ABL1: variants seen among roughly 807,000 people sequenced by gnomAD.
The protein encoded by ABL1 is tyrosine-protein kinase ABL1.
A neutral mutation model predicts 94.7 loss-of-function variants in ABL1; 11 were observed. The observed-to-expected ratio is 0.12, with a 90% confidence interval of 0.07 to 0.19. ABL1 has a LOEUF of 0.19. Among genes scored for constraint, ABL1 ranks in the 10% least tolerant of loss-of-function variants. The pLI, the probability that ABL1 is intolerant of heterozygous loss-of-function variation, is 1.00. For synonymous variants in ABL1, 656 were observed against 622.4 expected (o/e 1.05, Z -0.80); for missense variants, 1,082 against 1,489.4 (o/e 0.73, Z 4.50).
At chr9:130,817,511 A>G (rs1830303253) in intron 1 of ABL1, among the ~76,000 whole-genome samples, 1 of 152,156 alleles carries the variant, frequency 6.6e-6, no homozygotes, top group Admixed American at 6.5e-5. Flanking sequence ...GCCAATCAGG[A>G]CAAATACAGA....
At chr9:130,734,959 T>A (rs1036167296) in intron 1 of ABL1, among the ~76,000 whole-genome samples, 3 of 152,226 alleles carry the variant, frequency 2.0e-5, no homozygotes, top group African/African-American at 7.2e-5. Context: ...ATTTATAATT[T>A]AAAAAATTTA....
intron 1 of ABL1, among the ~76,000 whole-genome samples, chr9:130,729,042 G>A (rs1019268803): frequency 3.3e-5 from 5 of 152,142 alleles, no homozygotes; most frequent in East Asian, 1.9e-4. Context: ...GTGACTGGTC[G>A]TTAAGTTAGT....
At chr9:130,847,833 C>T (rs1269529537) in intron 1 of ABL1, among the ~76,000 whole-genome samples, 2 of 152,182 alleles carry the variant, frequency 1.3e-5, no homozygotes, top group Non-Finnish European at 2.9e-5. Flanking sequence ...TCTTGCATAA[C>T]ATTCCCAGCA....
At chr9:130,776,130 G>C (rs1251642467) in intron 1 of ABL1, among the ~76,000 whole-genome samples, 1 of 152,174 alleles carries the variant, frequency 6.6e-6, no homozygotes, top group African/African-American at 2.4e-5. Context: ...AATAGTGAGG[G>C]AAAAGAAAAA....
chr9:130,851,772 T>C (rs898983096), intron 1 of ABL1, among the ~76,000 whole-genome samples: 5 of 149,282 alleles, frequency 3.3e-5, no homozygotes, highest in Non-Finnish European at 6.0e-5. Context: ...TTTTCTTTTT[T>C]TTTTTTTTTT....
At chr9:130,713,733 G>A (rs765317085) in exon 1 of ABL1, among the ~76,000 whole-genome samples, 7 of 152,208 alleles carry the variant, frequency 4.6e-5, no homozygotes, top group Non-Finnish European at 8.8e-5. Flanking sequence ...AAAAGTTGCT[G>A]GCAATGCATT....
intron 1 of ABL1, among the ~76,000 whole-genome samples, chr9:130,793,353 A>T (rs979588170): frequency 1.3e-5 from 2 of 151,676 alleles, no homozygotes; most frequent in African/African-American, 4.8e-5. Flanking sequence ...CACCTCTCCA[A>T]CTCCTCCAGC....
chr9:130,779,421 A>G (rs1475833860), intron 1 of ABL1, among the ~76,000 whole-genome samples: 2 of 152,096 alleles, frequency 1.3e-5, no homozygotes, highest in African/African-American at 2.4e-5. Context: ...GCCCCCCACC[A>G]TTTTTTTATT....
At chr9:130,830,988 C>G (rs1830488679), upstream of ABL1, among the ~76,000 whole-genome samples, 2 of 152,182 alleles carry the variant, frequency 1.3e-5, no homozygotes, top group African/African-American at 4.8e-5. Context: ...GTGGCAAAAA[C>G]TGGTATGACA....
intron 1 of ABL1, among the ~76,000 whole-genome samples, chr9:130,789,355 G>A (rs961624421): frequency 6.6e-6 from 1 of 152,204 alleles, no homozygotes; most frequent in African/African-American, 2.4e-5. Flanking sequence ...GTAGAAACTG[G>A]TTTTATCCTA....
intron 1 of ABL1, among the ~76,000 whole-genome samples, chr9:130,841,342 C>T (rs536493439): frequency 4.6e-5 from 7 of 151,046 alleles, no homozygotes; most frequent in African/African-American, 9.7e-5. Flanking sequence ...CTCCTGACCT[C>T]GTGATCCGCC....
intron 1 of ABL1, among the ~76,000 whole-genome samples, chr9:130,747,423 G>C (rs35057227): frequency 0.031 from 4,658 of 151,842 alleles, 239 homozygotes; most frequent in African/African-American, 0.11. Flanking sequence ...CTCTTTTTTT[G>C]TTTGCGTGGG....
chr9:130,808,231 TC>T (rs1231414655), intron 1 of ABL1, among the ~76,000 whole-genome samples: 58 of 141,710 alleles, frequency 4.1e-4, no homozygotes, highest in African/African-American at 1.3e-3. Flanking sequence ...TTCTTCTTCT[TC>T]TTCTTCTTCT....
rs1436518067 is a variant in ABL1, at chr9:130,854,246, G to T, written c.253+9G>T. ...TCTAAGCATAACTAAAGGTAAAAGG[G>T]TTGTGGGCAGCTAGTGGTGGTTGCA... On this transcript the variant is annotated intron_variant, in intron 2 of 10. Coordinates refer to ENST00000318560, the MANE Select transcript of ABL1 (RefSeq NM_005157.6). The T allele has an allele frequency of 6.2e-7, 1 of 1,611,464 alleles. No homozygotes were observed. The highest frequency in any genetic ancestry group is 1.1e-5 in the South Asian group (1 of 90,660).
chr9:130,839,388 C>G (rs1028242793), intron 1 of ABL1, among the ~76,000 whole-genome samples: 1 of 152,210 alleles, frequency 6.6e-6, no homozygotes, highest in Non-Finnish European at 1.5e-5. Flanking sequence ...CTGAGGTCAT[C>G]AGATACTTCC....
In ABL1 at chr9:130,724,490, C is replaced by A. The variant is rs146756982; in HGVS notation, c.136+10035C>A. ...TTATTTATTTTTGTATTTTTAAAAACCAGAACATTTATTGTGTGGCTAATC... is the reference window on the plus strand; with the variant it reads ...TTATTTATTTTTGTATTTTTAAAAAACAGAACATTTATTGTGTGGCTAATC... On this transcript the variant is annotated intron_variant, in intron 1 of 10. Transcript: ENST00000372348. 8.1e-3 allele frequency among the ~76,000 whole-genome samples: 1,218 copies of A among 151,156 alleles called. 15 individuals carry two copies. The highest frequency in any genetic ancestry group is 0.027 in the African/African-American group (1,132 of 41,256).
Position 130,885,212 on chromosome 9 carries a change from C to T in ABL1, c.2922C>T (p.Thr974=), listed in dbSNP as rs755506364. 3.1e-6 allele frequency: 5 copies of T among 1,613,680 alleles called. No homozygotes were observed. Among genetic ancestry groups the T allele is most frequent in the Non-Finnish European group, 1.7e-6 (2 of 1,179,982 alleles). ...CACAGTCCGCCAAGCCGTCGGGGACCCCCATCAGCCCAGCCCCCGTTCCCT... is the reference window on the plus strand; with the variant it reads ...CACAGTCCGCCAAGCCGTCGGGGACTCCCATCAGCCCAGCCCCCGTTCCCT... ...PKPQSAKPSG[T]PISPAPVPST... is the part of the protein sequence containing the mutation. Residue 974 remains threonine (T), a synonymous_variant, in exon 11 of 11, where the codon ACC becomes ACT. Transcript: ENST00000318560.
chr9:130,842,856 T>C (rs981738204), intron 1 of ABL1, among the ~76,000 whole-genome samples: 1 of 152,182 alleles, frequency 6.6e-6, no homozygotes, highest in Admixed American at 6.5e-5. Context: ...CTGGAACCTG[T>C]TGGGAAGGTG....
chr9:130,834,041 TG>T (rs1266139172), upstream of ABL1: 3 of 456,114 alleles, frequency 6.6e-6, no homozygotes, highest in South Asian at 4.6e-5. Flanking sequence ...CAGGCAGACC[TG>T]GGTTGAGTCC....
Sources: allele counts gnomAD v4.1 joint callset (sites outside exome capture counted in the v4.1 genomes callset), GRCh38; gene constraint gnomAD v4.1.1; transcripts MANE v1.5; gene names NCBI Gene and HGNC (gene_info 2026-07-23, HGNC 2026-07-21).